CADM2: variants seen among roughly 807,000 people sequenced by gnomAD.
CADM2 encodes the protein immunoglobulin superfamily member 4D.
CADM2 carries 12 observed loss-of-function variants against 49.8 expected under a neutral mutation model. The observed-to-expected ratio is 0.24, with a 90% CI of 0.15 to 0.39. The LOEUF is 0.39. Among genes scored for constraint, CADM2 ranks in the 10% least tolerant of loss-of-function variants. The pLI is 1.00. For missense variants in CADM2, 378 were observed against 492.3 expected, an observed-to-expected ratio of 0.77 and a Z score of 2.20; for synonymous variants, 214 against 175.4, an observed-to-expected ratio of 1.22 and a Z score of -1.74.
At chr3:85,169,696 C>T (rs1315241020) in intron 1 of CADM2, among the ~76,000 whole-genome samples, 1 of 152,126 alleles carries the variant, frequency 6.6e-6, no homozygotes, top group Non-Finnish European at 1.5e-5. Context: ...TGCTTGTACC[C>T]TGGAGACGAA....
chr3:85,859,902 T>C (rs192012239), intron 3 of CADM2, among the ~76,000 whole-genome samples: 55 of 152,338 alleles, frequency 3.6e-4, no homozygotes, highest in East Asian at 3.9e-4. Context: ...TTTATATTAA[T>C]TGTTTCTATT....
chr3:85,804,271 A>C (rs1234451195), intron 3 of CADM2, among the ~76,000 whole-genome samples: 1 of 152,120 alleles, frequency 6.6e-6, no homozygotes, highest in African/African-American at 2.4e-5. Flanking sequence ...AACTAAATAT[A>C]TTATTATATT....
chr3:85,547,068 T>A (rs566427126), intron 1 of CADM2, among the ~76,000 whole-genome samples: 50 of 148,630 alleles, frequency 3.4e-4, no homozygotes, highest in African/African-American at 1.2e-3. Flanking sequence ...CAAAATATAT[T>A]ATGTTGAATT....
chr3:85,675,358 A>G (rs1482334319), intron 1 of CADM2, among the ~76,000 whole-genome samples: 1 of 152,194 alleles, frequency 6.6e-6, no homozygotes, highest in Non-Finnish European at 1.5e-5. Context: ...TCTTTCAGCC[A>G]TAAAATCCAT....
chr3:85,649,391 G>A (rs559975605), intron 1 of CADM2, among the ~76,000 whole-genome samples: 1 of 152,202 alleles, frequency 6.6e-6, no homozygotes, highest in African/African-American at 2.4e-5. Context: ...CACAAAATAT[G>A]GCTGAGATAT....
chr3:85,738,165 CACA>C (rs1206701993), intron 2 of CADM2, among the ~76,000 whole-genome samples: 2 of 35,068 alleles, frequency 5.7e-5, no homozygotes, highest in African/African-American at 5.6e-4. Flanking sequence ...AACGTATATT[CACA>C]ATGATTCACA....
At chr3:86,042,224 A>C (rs1736035726) in intron 8 of CADM2, among the ~76,000 whole-genome samples, 1 of 152,202 alleles carries the variant, frequency 6.6e-6, no homozygotes, top group South Asian at 2.1e-4. Flanking sequence ...TAAATAACTA[A>C]GATCAGAGCA....
intron 1 of CADM2, among the ~76,000 whole-genome samples, chr3:85,500,805 C>G (rs6549029): frequency 0.21 from 31,565 of 152,096 alleles, 3,894 homozygotes; most frequent in East Asian, 0.3. Flanking sequence ...GTGTGAGCCA[C>G]CGTGCCCAGC....
chr3:85,704,729 C>CT (rs2066885042), intron 1 of CADM2, among the ~76,000 whole-genome samples: 1 of 151,756 alleles, frequency 6.6e-6, no homozygotes, highest in Non-Finnish European at 1.5e-5. Context: ...TAAGGTATAC[C>CT]TATACTTGTA....
intron 1 of CADM2, among the ~76,000 whole-genome samples, chr3:85,590,406 T>A (rs995593543): frequency 1.3e-5 from 2 of 151,892 alleles, no homozygotes; most frequent in African/African-American, 2.4e-5. Context: ...TCTAAATAAT[T>A]CAAACTTTTA....
intron 5 of CADM2, among the ~76,000 whole-genome samples, chr3:85,909,285 A>G (rs1406623763): frequency 1.3e-5 from 2 of 152,026 alleles, no homozygotes; most frequent in Non-Finnish European, 2.9e-5. Flanking sequence ...TGGATTATGA[A>G]AGAAAGAAAT....
chr3:85,997,329 A>G (rs1455692981), intron 8 of CADM2, among the ~76,000 whole-genome samples: 1 of 152,202 alleles, frequency 6.6e-6, no homozygotes, highest in African/African-American at 2.4e-5. Flanking sequence ...GAACTTTAAT[A>G]CTGTGTCCTT....
chr3:85,807,656 T>C (rs1338874192), intron 3 of CADM2, among the ~76,000 whole-genome samples: 1 of 151,950 alleles, frequency 6.6e-6, no homozygotes, highest in Admixed American at 6.6e-5. Context: ...TTAATAAAAA[T>C]AGAGTAAAAT....
intron 1 of CADM2, among the ~76,000 whole-genome samples, chr3:85,046,619 A>G (rs1253833975): frequency 6.6e-6 from 1 of 152,008 alleles, no homozygotes; most frequent in East Asian, 1.9e-4. Context: ...TTTTAGGATA[A>G]CATCTTAAAA....
intron 1 of CADM2, among the ~76,000 whole-genome samples, chr3:85,248,837 G>A (rs541868501): frequency 4.6e-5 from 7 of 152,260 alleles, no homozygotes; most frequent in African/African-American, 1.4e-4. Context: ...AAATACATCA[G>A]ATGCCATTCT....
chr3:85,696,460 G>A (rs1041411058), intron 1 of CADM2, among the ~76,000 whole-genome samples: 1 of 151,812 alleles, frequency 6.6e-6, no homozygotes, highest in Non-Finnish European at 1.5e-5. Context: ...GAGAGATAGG[G>A]GCTTGGTTTC....
rs954733225 is a variant in CADM2 at position 85,235,149 on chromosome 3, A to T, written c.61+275481A>T. ...CAGCCAAATCTCTAAACGGAAAAAA[A>T]TTTTTTGGATTTATTTGAGATAAAA... On this transcript the variant is annotated intron_variant, in intron 1 of 9. Coordinates refer to ENST00000383699, the MANE Select transcript of CADM2 (RefSeq NM_001167675.2). Among the ~76,000 whole-genome samples the T allele has an allele frequency of 9.2e-5, 14 of 152,172 alleles. No individual in the cohort carries two copies. In the East Asian group the frequency reaches 2.1e-3, roughly 23 times the overall value.
chr3:85,927,474 T>G (rs1310245887), intron 6 of CADM2, among the ~76,000 whole-genome samples: 1 of 152,138 alleles, frequency 6.6e-6, no homozygotes, highest in Middle Eastern at 3.2e-3. Context: ...AGTGAAACAA[T>G]GGATAGAAAT....
intron 1 of CADM2, among the ~76,000 whole-genome samples, chr3:85,579,929 GTA>G (rs1414388180): frequency 6.6e-6 from 1 of 152,142 alleles, no homozygotes; most frequent in Admixed American, 6.5e-5. Context: ...TGCAGAAAAT[GTA>G]TATGTTTACA....
Sources: gnomAD v4.1 joint callset for allele counts (sites outside exome capture counted in the v4.1 genomes callset) on GRCh38, gnomAD v4.1.1 for gene constraint, MANE v1.5 for transcripts, NCBI Gene and HGNC (gene_info 2026-07-23, HGNC 2026-07-21) for gene names.